Variants in CLMN observed in about 807,000 individuals in gnomAD.
CLMN encodes the protein calmin (calponin-like, transmembrane).
CLMN carries 57 observed loss-of-function variants against 92.7 expected under a neutral mutation model. The observed-to-expected ratio is 0.61, with a 90% CI of 0.50 to 0.77. The LOEUF (loss-of-function observed/expected upper bound fraction) is 0.77, where lower values mean the gene tolerates loss of function less well. Ranked by LOEUF, CLMN falls within the 30% of genes least tolerant of loss-of-function variation. The pLI is 0.00. For synonymous variants in CLMN, 466 were observed against 470.6 expected, an observed-to-expected ratio of 0.99 and a Z score of 0.13; for missense variants, 1,158 against 1,237.5, an observed-to-expected ratio of 0.94 and a Z score of 0.96.
chr14:95,234,077 T>C (rs950434554), intron 1 of CLMN, among the ~76,000 whole-genome samples: 1 of 152,140 alleles, frequency 6.6e-6, no homozygotes, highest in African/African-American at 2.4e-5. Flanking sequence ...CCCCAGAACA[T>C]CCACTTCAGC....
intron 1 of CLMN, among the ~76,000 whole-genome samples, chr14:95,276,755 G>A (rs777090425): frequency 5.3e-5 from 8 of 152,210 alleles, no homozygotes; most frequent in African/African-American, 1.9e-4. Context: ...GGGGACAATG[G>A]AGGTGAATTT....
intron 1 of CLMN, among the ~76,000 whole-genome samples, chr14:95,241,873 C>T (rs1274613721): frequency 6.6e-6 from 1 of 152,138 alleles, no homozygotes; most frequent in Non-Finnish European, 1.5e-5. Context: ...CGCACGCACA[C>T]TCTCGCCGTA....
Position 95,204,307 on chromosome 14 carries a change from A to AGGG in CLMN, c.1039_1041dup (p.Pro347dup), listed in dbSNP as rs1896981013. On this transcript the variant is annotated inframe_insertion, in exon 9 of 13. Transcript: ENST00000298912. The stretch of plus-strand genomic sequence containing the variant: ...GGCTTGTCACAGACAAAGACTTTGG[A>AGGG]GGGTGGTGGGTGGCTGGTTTCATGG... 6.2e-7 allele frequency: 1 copy of AGGG among 1,614,096 alleles called. No individual in the cohort carries two copies. The highest frequency in any genetic ancestry group is 8.5e-7 in the Non-Finnish European group (1 of 1,180,016).
chr14:95,307,393 T>C (rs1036925589), intron 1 of CLMN: 2 of 152,280 alleles, frequency 1.3e-5, no homozygotes, highest in African/African-American at 2.4e-5. Context: ...AAGCCATCAT[T>C]AACAACAAAT....
At chr14:95,209,293 G>A (rs1390488171) in intron 8 of CLMN, 102 bp downstream of exon 8, 1 of 1,018,778 alleles carries the variant, frequency 9.8e-7, no homozygotes, top group Admixed American at 1.8e-5. Context: ...GATTTTGACT[G>A]CTAGTTACAC....
intron 4 of CLMN, among the ~76,000 whole-genome samples, chr14:95,220,818 T>C (rs2140615811): frequency 6.6e-6 from 1 of 152,304 alleles, no homozygotes; most frequent in Middle Eastern, 3.4e-3. Flanking sequence ...GAGCTCCTTC[T>C]GCAGGCTGTG....
At position 95,207,896 on chromosome 14, in the gene CLMN, C is replaced by T. The variant is rs562943612; in HGVS notation, c.885+1499G>A. Among the ~76,000 whole-genome samples, 17 of 152,304 alleles carry T rather than the reference C, an allele frequency of 1.1e-4. No individual in the cohort carries two copies. The South Asian group carries it at 3.5e-3, about 32-fold the overall frequency. ...TTTCAGCTGCATGTTGTAAGGGAAA[C>T]AAGAGCCTGAACTTTGGAAACACAG... On this transcript the variant is annotated intron_variant, in intron 8 of 12. Coordinates refer to ENST00000298912, the MANE Select transcript of CLMN (RefSeq NM_024734.4).
intron 1 of CLMN, among the ~76,000 whole-genome samples, chr14:95,310,030 G>A (rs1354370972): frequency 6.6e-6 from 1 of 152,160 alleles, no homozygotes; most frequent in Non-Finnish European, 1.5e-5. Flanking sequence ...GGCTTGTAGA[G>A]GCCTGATATG....
At chr14:95,298,133 G>A (rs558274521) in intron 1 of CLMN, among the ~76,000 whole-genome samples, 79 of 152,106 alleles carry the variant, frequency 5.2e-4, no homozygotes, top group Non-Finnish European at 8.7e-4. Context: ...TGGCGTCATC[G>A]ATCAACCCCA....
At chr14:95,270,594 T>C (rs771211362) in intron 1 of CLMN, among the ~76,000 whole-genome samples, 2 of 151,878 alleles carry the variant, frequency 1.3e-5, no homozygotes, top group Admixed American at 6.5e-5. Context: ...ATCCATATTA[T>C]AGGACGTTTT....
chr14:95,318,121 G>A (rs1267054720), intron 1 of CLMN, among the ~76,000 whole-genome samples: 1 of 152,144 alleles, frequency 6.6e-6, no homozygotes, highest in Non-Finnish European at 1.5e-5. Context: ...AATCCTAGAG[G>A]AATGCAGGAA....
chr14:95,237,498 G>C (rs1490857801), intron 1 of CLMN, among the ~76,000 whole-genome samples: 1 of 152,240 alleles, frequency 6.6e-6, no homozygotes, highest in Non-Finnish European at 1.5e-5. Flanking sequence ...GTTACCACTG[G>C]GAGGATCATT....
At chr14:95,193,482 A>G in intron 12 of CLMN, 1 of 1,020,802 alleles carries the variant, frequency 9.8e-7, no homozygotes, top group Non-Finnish European at 1.4e-6. Flanking sequence ...ACACAGCCTC[A>G]CAAGACCACC....
chr14:95,287,933 A>G (rs1270108066), intron 1 of CLMN, among the ~76,000 whole-genome samples: 1 of 152,208 alleles, frequency 6.6e-6, no homozygotes, highest in Non-Finnish European at 1.5e-5. Context: ...ACACCAAGGC[A>G]TCACCTACCA....
chr14:95,256,817 T>C lies in CLMN; in HGVS notation c.83-26684A>G, dbSNP rs1899018007. On this transcript the variant is annotated intron_variant, in intron 1 of 12. Transcript: ENST00000298912. The surrounding 1 kb of genome is among the most constrained non-coding windows in gnomAD (Gnocchi z 4.9). The stretch of plus-strand genomic sequence containing the variant: ...GGGATGGCAGGAGAAGAGCTGTCAG[T>C]GGACAGGGCCACTAAGCCTCCTGGG... Among the ~76,000 whole-genome samples the C allele has an allele frequency of 6.6e-6, 1 of 152,162 alleles. No homozygotes were observed. Among genetic ancestry groups the C allele is most frequent in the South Asian group, 2.1e-4 (1 of 4,830 alleles).
intron 1 of CLMN, among the ~76,000 whole-genome samples, chr14:95,271,824 C>T (rs981038100): frequency 2.4e-4 from 36 of 152,212 alleles, no homozygotes; most frequent in African/African-American, 8.2e-4. Flanking sequence ...GTCTCCACTC[C>T]GTGCCTACCA....
rs756645307 is a variant in CLMN at position 95,204,396 on chromosome 14, G to C, written c.953C>G (p.Pro318Arg). ...ESTFVRIKET[P>R]SEQESKVFVL... ...GAAGACTTTGCTCTCCTGTTCAGAA[G>C]GAGTTTCTTTGATGCGAACAAAAGT... is the stretch of plus-strand genomic sequence containing the variant. Residue 318 changes from proline to arginine, a missense_variant, in exon 9 of 13, where the codon CCT becomes CGT. Coordinates refer to ENST00000298912, the MANE Select transcript of CLMN (RefSeq NM_024734.4). 3.7e-5 allele frequency: 60 copies of C among 1,613,752 alleles called. No homozygotes were observed. Among genetic ancestry groups the C allele is most frequent in the Non-Finnish European group, 4.8e-5 (57 of 1,179,974 alleles).
At position 95,292,791 on chromosome 14, in the gene CLMN, A is replaced by G. The variant is rs192594081; in HGVS notation, c.82+26920T>C. Among the ~76,000 whole-genome samples the G allele has an allele frequency of 4.3e-3, 649 of 152,070 alleles. 3 individuals carry two copies. Among genetic ancestry groups the G allele is most frequent in the Non-Finnish European group, 7.4e-3 (506 of 67,972 alleles). ...GCATAGCCTGATTAAATTAACATGA[A>G]CCAGCTCAGGGAGGGCGAGATGAAG... On this transcript the variant is annotated intron_variant, in intron 1 of 12. Transcript: ENST00000298912.
At chr14:95,289,066 G>T (rs1277118841) in intron 1 of CLMN, among the ~76,000 whole-genome samples, 1 of 152,224 alleles carries the variant, frequency 6.6e-6, no homozygotes, top group African/African-American at 2.4e-5. Context: ...GGCACAGAGA[G>T]AGCTGCTTGT....
Sources: allele counts gnomAD v4.1 joint callset (sites outside exome capture counted in the v4.1 genomes callset), GRCh38; gene constraint gnomAD v4.1.1; non-coding constraint Gnocchi (gnomAD v3.1); transcripts MANE v1.5; gene names NCBI Gene and HGNC (gene_info 2026-07-23, HGNC 2026-07-21).